SEMA4G: variants seen among roughly 807,000 people sequenced by gnomAD.
The protein encoded by SEMA4G is semaphorin 4G.
In SEMA4G, 59 loss-of-function variants were observed where a neutral mutation model predicts 81.2. The ratio of observed to expected loss-of-function variants is 0.73; its 90% CI spans 0.59 to 0.90. SEMA4G has a LOEUF of 0.90. SEMA4G is among the 40% of genes least tolerant of loss of function. The probability of loss-of-function intolerance (pLI) is 0.00; values close to 1 mark genes in which losing one functional copy is unlikely to be tolerated. For synonymous variants in SEMA4G, 404 were observed against 433.9 expected (o/e 0.93, Z 0.86); for missense variants, 952 against 1,102.3 (o/e 0.86, Z 1.93).
At chr10:100,976,116 G>A (rs1850770541) in intron 3 of SEMA4G, among the ~76,000 whole-genome samples, 1 of 152,004 alleles carries the variant, frequency 6.6e-6, no homozygotes, top group Non-Finnish European at 1.5e-5. Flanking sequence ...AGGTGAGGGA[G>A]CAGGAGGAGA....
intron 12 of SEMA4G, 41 bp downstream of exon 13, chr10:100,981,038 TGGA>T: frequency 6.3e-7 from 1 of 1,595,534 alleles, no homozygotes; most frequent in Non-Finnish European, 8.5e-7. Flanking sequence ...GTGGTCTGAG[TGGA>T]GGAGGAAGGC....
chr10:100,984,056 C>G (rs141726768), exon 14 of SEMA4G: 6 of 1,613,690 alleles, frequency 3.7e-6, no homozygotes, highest in South Asian at 1.1e-5. Context: ...GCTCCTTCGC[C>G]GAGGAACTCA....
chr10:100,983,697 C>G, exon 14 of SEMA4G: 1 of 1,613,614 alleles, frequency 6.2e-7, no homozygotes. Context: ...GGCCTCCTCC[C>G]TCCTCTATGT....
At chr10:100,978,065 G>T (rs887548506) in intron 4 of SEMA4G, 4 of 580,804 alleles carry the variant, frequency 6.9e-6, no homozygotes, top group Admixed American at 3.0e-5. Flanking sequence ...TCATAGATAA[G>T]GAGTGAATCT....
upstream of SEMA4G, chr10:100,969,867 C>T (rs1249370017): frequency 6.6e-6 from 3 of 455,834 alleles, no homozygotes; most frequent in African/African-American, 4.0e-5. Context: ...TCACGTCTCC[C>T]GGCGTCCGGC....
exon 14 of SEMA4G, chr10:100,983,704 A>G (rs748554644): frequency 5.0e-6 from 8 of 1,613,344 alleles, no homozygotes; most frequent in South Asian, 2.2e-5. Context: ...TCCCTCCTCT[A>G]TGTGGCCTGT....
Position 100,973,372 on chromosome 10 carries a change from GC to G in SEMA4G, c.273+100del. 2.6e-6 allele frequency: 4 copies of G among 1,516,354 alleles called. No homozygotes were observed. The highest frequency in any genetic ancestry group is 3.6e-6 in the Non-Finnish European group (4 of 1,114,692). The allele number at this position is 1,516,354 out of a possible 1,614,324, so 93.9% of individuals were successfully genotyped here. Reference sequence around the variant, plus strand: ...CTTAAAACCCTGCCAGCCTTCCATAGCCCCCTGGTCAGACAGCACTGCCCTT... The same window carrying G: ...CTTAAAACCCTGCCAGCCTTCCATAGCCCCTGGTCAGACAGCACTGCCCTT... On this transcript the variant is annotated intron_variant, in intron 2 of 13. Coordinates refer to ENST00000370250, the Ensembl canonical transcript of SEMA4G. This position sits in a 1 kb window ranked among gnomAD's most constrained non-coding sequence, Gnocchi z 5.5.
upstream of SEMA4G, among the ~76,000 whole-genome samples, chr10:100,971,225 T>A (rs950452327): frequency 4.6e-5 from 7 of 152,226 alleles, no homozygotes; most frequent in Non-Finnish European, 1.0e-4. Flanking sequence ...GAGTGGCTCC[T>A]CTAACCTGGG....
At chr10:100,982,598 C>G (rs1003712073) in intron 13 of SEMA4G, among the ~76,000 whole-genome samples, 3 of 152,170 alleles carry the variant, frequency 2.0e-5, no homozygotes, top group African/African-American at 7.2e-5. Flanking sequence ...TCGAGACAAG[C>G]CTGGCCAACA....
chr10:100,978,773 T>G, intron 6 of SEMA4G, 76 bp from the exon 8 acceptor site: 1 of 1,577,124 alleles, frequency 6.3e-7, no homozygotes, highest in Non-Finnish European at 8.7e-7. Flanking sequence ...TGTTGTCAAG[T>G]GAGGGGTCAG....
exon 14 of SEMA4G, chr10:100,984,708 GTACCC>G: frequency 6.5e-7 from 1 of 1,536,082 alleles, no homozygotes; most frequent in Non-Finnish European, 8.7e-7. Flanking sequence ...TGGACTTGGG[GTACCC>G]TCCCAATTGC....
intron 3 of SEMA4G, among the ~76,000 whole-genome samples, chr10:100,974,351 G>A (rs943374814): frequency 2.6e-5 from 4 of 152,022 alleles, no homozygotes; most frequent in African/African-American, 4.8e-5. Context: ...TGTAGTCCCA[G>A]CTACTTGGGA....
At chr10:100,979,794 G>A (rs1158195931) in intron 8 of SEMA4G, 54 bp from the exon 10 acceptor site, 4 of 1,599,816 alleles carry the variant, frequency 2.5e-6, no homozygotes, top group African/African-American at 1.3e-5. Flanking sequence ...CACGAGTTGG[G>A]GGGCAGGCTT....
exon 14 of SEMA4G, chr10:100,983,558 C>G (rs977211113): frequency 2.5e-6 from 4 of 1,613,874 alleles, no homozygotes; most frequent in Non-Finnish European, 3.4e-6. Context: ...CCTATAGTCT[C>G]ACAGTCCGGC....
chr10:100,983,371 A>T, exon 14 of SEMA4G: 1 of 1,607,604 alleles, frequency 6.2e-7, no homozygotes, highest in Non-Finnish European at 8.5e-7. Flanking sequence ...CCCTGTGACC[A>T]GCCATCCAAC....
upstream of SEMA4G, among the ~76,000 whole-genome samples, chr10:100,971,815 T>C (rs1364440353): frequency 2.6e-5 from 4 of 152,152 alleles, no homozygotes; most frequent in Non-Finnish European, 4.4e-5. Context: ...ATCCCATCAT[T>C]TACCTTCTTC....
At chr10:100,972,766 T>C (rs1850668209) in exon 1 of SEMA4G, 3 of 739,044 alleles carry the variant, frequency 4.1e-6, no homozygotes, top group East Asian at 2.7e-5. Flanking sequence ...CCATGATTCC[T>C]TGACTCCTAT....
exon 11 of SEMA4G, chr10:100,980,688 T>C (rs377270509): frequency 1.9e-5 from 30 of 1,613,082 alleles, no homozygotes; most frequent in Non-Finnish European, 2.3e-5. Context: ...CATCTCTCTA[T>C]TGCAGGTAGC....
upstream of SEMA4G, among the ~76,000 whole-genome samples, chr10:100,971,041 G>A (rs534533970): frequency 6.6e-6 from 1 of 152,188 alleles, no homozygotes; most frequent in Non-Finnish European, 1.5e-5. Context: ...GAGCATATGT[G>A]TGCACAAAAC....
Sources: allele counts gnomAD v4.1 joint callset (sites outside exome capture counted in the v4.1 genomes callset), GRCh38; gene constraint gnomAD v4.1.1; non-coding constraint Gnocchi (gnomAD v3.1); transcripts MANE v1.5; gene names NCBI Gene and HGNC (gene_info 2026-07-23, HGNC 2026-07-21).